The following PAX5 variants were observed in gnomAD, a reference collection of about 807,000 sequenced individuals.
The protein encoded by PAX5 is paired box 5, also known as paired box protein Pax-5.
In PAX5, 9 loss-of-function variants were observed where a neutral mutation model predicts 43.7. The ratio of observed to expected loss-of-function variants is 0.21; its 90% CI spans 0.12 to 0.36. PAX5 has a LOEUF of 0.36. PAX5 is among the 10% of genes least tolerant of loss of function. PAX5 has a pLI of 1.00. For synonymous variants in PAX5, 228 were observed against 214.3 expected (o/e 1.06, Z -0.56); for missense variants, 383 against 532.7 (o/e 0.72, Z 2.77).
chr9:36,894,692 C>A (rs977634640), intron 7 of PAX5, among the ~76,000 whole-genome samples: 1 of 152,258 alleles, frequency 6.6e-6, no homozygotes, highest in African/African-American at 2.4e-5. Flanking sequence ...AGGCCCCTAG[C>A]ACAGGGCCCA....
intron 9 of PAX5, among the ~76,000 whole-genome samples, chr9:36,843,835 G>C (rs1420302953): frequency 6.6e-6 from 1 of 152,230 alleles, no homozygotes. Context: ...TCCAGCTTTG[G>C]CTGGGGGCAG....
chr9:36,938,960 C>T (rs971117300), intron 6 of PAX5, among the ~76,000 whole-genome samples: 5 of 152,214 alleles, frequency 3.3e-5, no homozygotes, highest in African/African-American at 7.2e-5. Flanking sequence ...GAGAAGGAAG[C>T]GGATGATCCA....
Position 37,018,212 on chromosome 9 carries a change from C to T in PAX5, c.212+2424G>A, listed in dbSNP as rs552019727. ...CAAAACATAAAATAAAGAGCACGTG[C>T]GGAGGATTAAAATCCCTAGTGTTTC... On this transcript the variant is annotated intron_variant, in intron 2 of 9. Transcript: ENST00000358127. 2.6e-5 allele frequency among the ~76,000 whole-genome samples: 4 copies of T among 152,182 alleles called. No homozygotes were observed. In the South Asian group the frequency reaches 8.3e-4, roughly 32 times the overall value.
In PAX5 at chr9:37,015,056, C is replaced by T. The variant is rs777795629; in HGVS notation, c.351G>A (p.Arg117=). 5.6e-6 allele frequency: 9 copies of T among 1,614,224 alleles called. No homozygotes were observed. The South Asian group carries it at 8.8e-5, about 16-fold the overall frequency. Residue 117 remains arginine (R), a synonymous_variant, in exon 3 of 10, where the codon CGG becomes CGA. Coordinates refer to ENST00000358127, the MANE Select transcript of PAX5 (RefSeq NM_016734.3). The surrounding 1 kb of genome is among the most constrained non-coding windows in gnomAD (Gnocchi z 4.4). ...PTMFAWEIRD[R]LLAERVCDND... is the part of the protein sequence containing the mutation. ...TGTCACACACCCGCTCTGCCAGCAG[C>T]CGGTCCCTGATCTCCCAGGCAAACA...
rs748790926 is a variant in PAX5 at position 36,973,039 on chromosome 9, G to GAAGA, written c.605-6319_605-6316dup. Among the ~76,000 whole-genome samples, 182 of 117,908 alleles carry GAAGA rather than the reference G, an allele frequency of 1.5e-3. 1 individual carries two copies. Among genetic ancestry groups the GAAGA allele is most frequent in the Non-Finnish European group, 2.8e-3 (151 of 54,204 alleles). 77.4% of individuals were successfully genotyped at this position (117,908 alleles called of 152,430 possible). ...CGAGATTCAGTCTCAAAAAAAAAAAGAAGAAAGAAAGAAAGAAAAGGAAAG... is the reference window on the plus strand; with the variant it reads ...CGAGATTCAGTCTCAAAAAAAAAAAGAAGAAAGAAAGAAAGAAAGAAAAGGAAAG... On this transcript the variant is annotated intron_variant, in intron 5 of 9. Transcript: ENST00000358127.
intron 8 of PAX5, chr9:36,864,383 G>A (rs1442386213): frequency 6.5e-6 from 1 of 153,644 alleles, no homozygotes; most frequent in Non-Finnish European, 1.5e-5. Flanking sequence ...TCCAGGTATG[G>A]GGGAGGGCGA....
intron 8 of PAX5, among the ~76,000 whole-genome samples, chr9:36,861,888 G>A (rs1824254932): frequency 1.3e-5 from 2 of 152,198 alleles, no homozygotes; most frequent in Admixed American, 1.3e-4. Flanking sequence ...AAAGGGTCAT[G>A]ACTGGCAATG....
intron 6 of PAX5, among the ~76,000 whole-genome samples, chr9:36,954,538 G>A (rs961340825): frequency 5.3e-5 from 8 of 152,072 alleles, no homozygotes; most frequent in African/African-American, 1.7e-4. Context: ...CTTAACACTC[G>A]AAGATATTTT....
intron 6 of PAX5, among the ~76,000 whole-genome samples, chr9:36,932,823 T>C (rs1447872345): frequency 6.6e-6 from 1 of 152,002 alleles, no homozygotes; most frequent in Non-Finnish European, 1.5e-5. Context: ...GAGGGGTGCT[T>C]GGAGGCTGAT....
chr9:36,950,750 T>C (rs1210475860), intron 6 of PAX5, among the ~76,000 whole-genome samples: 1 of 149,280 alleles, frequency 6.7e-6, no homozygotes, highest in Non-Finnish European at 1.5e-5. Flanking sequence ...TTTTTTTTTT[T>C]TTTTTTTTGA....
chr9:36,927,362 C>T (rs1830724928), intron 6 of PAX5, among the ~76,000 whole-genome samples: 1 of 152,150 alleles, frequency 6.6e-6, no homozygotes, highest in African/African-American at 2.4e-5. Context: ...TTTAAAAGAA[C>T]CACAAAAAGG....
chr9:36,885,107 G>A (rs1826802085), intron 7 of PAX5, among the ~76,000 whole-genome samples: 1 of 152,234 alleles, frequency 6.6e-6, no homozygotes, highest in Non-Finnish European at 1.5e-5. Flanking sequence ...TCCTTGCAAG[G>A]AAGGGAGAGA....
rs999156462 is a variant in PAX5 at position 36,835,359 on chromosome 9, C to T, written c.*5201G>A. 6.0e-5 allele frequency: 14 copies of T among 232,772 alleles called. No homozygotes were observed. Among genetic ancestry groups the T allele is most frequent in the East Asian group, 1.8e-4 (3 of 16,548 alleles). The allele number at this position is 232,772 out of a possible 1,614,324, so 14.4% of individuals were successfully genotyped here. A position where few individuals can be genotyped will look rare whatever the true frequency, so the allele number is the denominator to read the frequency against. ...AGGCTGGTGCCTGCCTGCTCCTGGC[C>T]GGCAGCTCATTTCAGAGAAGCTGTT... is the stretch of plus-strand genomic sequence containing the variant. On this transcript the variant is annotated 3_prime_UTR_variant, in exon 10 of 10. Transcript: ENST00000358127.
chr9:36,915,030 G>C (rs1283800507), intron 7 of PAX5, among the ~76,000 whole-genome samples: 1 of 152,200 alleles, frequency 6.6e-6, no homozygotes, highest in African/African-American at 2.4e-5. Flanking sequence ...TTGTGTGCAA[G>C]AGACATAATT....
At chr9:36,916,650 T>G (rs901659782) in intron 7 of PAX5, among the ~76,000 whole-genome samples, 5 of 152,060 alleles carry the variant, frequency 3.3e-5, no homozygotes, top group Admixed American at 6.5e-5. Context: ...TATATATATA[T>G]TTATAGTTAT....
chr9:37,017,927 C>T (rs1454596082), intron 2 of PAX5, among the ~76,000 whole-genome samples: 2 of 152,240 alleles, frequency 1.3e-5, no homozygotes, highest in Non-Finnish European at 1.5e-5. Flanking sequence ...AGCAAAACAG[C>T]CGTGCAGCCC....
chr9:37,025,365 T>A (rs1840238213), intron 1 of PAX5, among the ~76,000 whole-genome samples: 1 of 149,452 alleles, frequency 6.7e-6, no homozygotes, highest in Admixed American at 6.6e-5. Context: ...GGGTCTCTGC[T>A]GCCTTTGTTA....
At chr9:37,005,478 G>A (rs1838312813) in intron 4 of PAX5, among the ~76,000 whole-genome samples, 1 of 152,214 alleles carries the variant, frequency 6.6e-6, no homozygotes, top group Admixed American at 6.5e-5. Context: ...TGAGCACCTG[G>A]TTAGTGCCCC....
Position 36,869,914 on chromosome 9 carries a change from G to A in PAX5, c.1012+12090C>T, listed in dbSNP as rs932114357. 3.3e-3 allele frequency among the ~76,000 whole-genome samples: 447 copies of A among 133,726 alleles called. 3 individuals carry two copies. Among genetic ancestry groups the A allele is most frequent in the Middle Eastern group, 8.3e-3 (2 of 242 alleles). 87.7% of individuals were successfully genotyped at this position (133,726 alleles called of 152,430 possible). The stretch of plus-strand genomic sequence containing the variant: ...TGGATAAATGGATGGATGGATGGAT[G>A]GATGGATGGATGGATGGATGGATAA... On this transcript the variant is annotated intron_variant, in intron 8 of 9. Coordinates refer to ENST00000358127, the MANE Select transcript of PAX5 (RefSeq NM_016734.3).
Sources: gnomAD v4.1 joint callset for allele counts (sites outside exome capture counted in the v4.1 genomes callset) on GRCh38, gnomAD v4.1.1 for gene constraint, Gnocchi (gnomAD v3.1) non-coding constraint, MANE v1.5 for transcripts, NCBI Gene and HGNC (gene_info 2026-07-23, HGNC 2026-07-21) for gene names.